Variants in AGPAT4 observed in about 807,000 individuals in gnomAD.
AGPAT4 encodes the protein 1-acylglycerol-3-phosphate O-acyltransferase 4.
AGPAT4 carries 15 observed loss-of-function variants against 48.0 expected under a neutral mutation model. That is an observed-to-expected ratio of 0.31 (90% CI 0.21 to 0.48). The LOEUF is 0.48. AGPAT4 is among the 20% of genes least tolerant of loss of function. AGPAT4 has a pLI of 0.99. For synonymous variants in AGPAT4, 178 were observed against 198.7 expected (o/e 0.90, Z 0.88); for missense variants, 314 against 482.5 (o/e 0.65, Z 3.27).
intron 2 of AGPAT4, among the ~76,000 whole-genome samples, chr6:161,176,435 T>G (rs1178591088): frequency 6.6e-6 from 1 of 152,220 alleles, no homozygotes; most frequent in Non-Finnish European, 1.5e-5. Flanking sequence ...TAAAGTCTGT[T>G]TTATCAGAGA....
Position 161,136,568 on chromosome 6 carries a change from G to A in AGPAT4, c.1109C>T (p.Ser370Phe), listed in dbSNP as rs1266154957. ...GTCATTCAGTTTCTGCTTGCTGTCA[G>A]AGTTGCCGTAGGCAGAGCCCTTGTC... ...EIDKGSAYGN[S>F]DSKQKLND Residue 370 changes from serine to phenylalanine, a missense_variant, in exon 9 of 9, where the codon TCT becomes TTT. Coordinates refer to ENST00000320285, the MANE Select transcript of AGPAT4 (RefSeq NM_020133.3). The A allele has an allele frequency of 9.9e-6, 16 of 1,614,080 alleles. No homozygotes were observed. The highest frequency in any genetic ancestry group is 1.4e-5 in the Non-Finnish European group (16 of 1,180,054).
At position 161,146,521 on chromosome 6, in the gene AGPAT4, G is replaced by C. The variant is rs374557581; in HGVS notation, c.843+3C>G. 2 of 1,613,752 alleles carry C rather than the reference G, an allele frequency of 1.2e-6. No individual in the cohort carries two copies. The highest frequency in any genetic ancestry group is 1.7e-6 in the Non-Finnish European group (2 of 1,180,010). ...AGGGACCCCTGGCACCCAGTGCACT[G>C]ACCTTCTCCTGGTAGAGCTTGTGCA... On this transcript the variant is annotated splice_donor_region_variant and intron_variant, in intron 7 of 8. Transcript: ENST00000320285. The surrounding 1 kb of genome is among the most constrained non-coding windows in gnomAD (Gnocchi z 7.1).
At position 161,184,568 on chromosome 6, in the gene AGPAT4, A is replaced by G. The variant is rs1013537451; in HGVS notation, c.179-18151T>C. ...CTGGCCTCCCCTGGCCCTGCCCCGG[A>G]CCCCCCATTCCCACCTGTCATCCTC... On this transcript the variant is annotated intron_variant, in intron 2 of 8. Coordinates refer to ENST00000320285, the MANE Select transcript of AGPAT4 (RefSeq NM_020133.3). The surrounding 1 kb of genome is among the most constrained non-coding windows in gnomAD (Gnocchi z 4.8). 1.3e-5 allele frequency among the ~76,000 whole-genome samples: 2 copies of G among 151,026 alleles called. No homozygotes were observed. The highest frequency in any genetic ancestry group is 4.9e-5 in the African/African-American group (2 of 40,888).
rs58358959 is a variant in AGPAT4, at chr6:161,261,134, C to A, written c.-90+12804G>T. The stretch of plus-strand genomic sequence containing the variant: ...GCCAAACATGTGTTTATCCTTCCAA[C>A]CCCTGCTTAAGCCAGCTCCTTCTCC... On this transcript the variant is annotated intron_variant, in intron 1 of 8. Transcript: ENST00000320285. This position sits in a 1 kb window ranked among gnomAD's most constrained non-coding sequence, Gnocchi z 5.3. Among the ~76,000 whole-genome samples, 838 of 152,338 alleles carry A rather than the reference C, an allele frequency of 5.5e-3. 8 individuals carry two copies. Among genetic ancestry groups the A allele is most frequent in the African/African-American group, 0.02 (815 of 41,576 alleles).
chr6:161,163,447 G>T (rs984530336), intron 3 of AGPAT4, among the ~76,000 whole-genome samples: 6 of 152,118 alleles, frequency 3.9e-5, no homozygotes, highest in Non-Finnish European at 7.4e-5. Flanking sequence ...GCTGAACAAT[G>T]AATATAAGGC....
In AGPAT4 at chr6:161,139,339, C is replaced by T. The variant is rs1779175589; in HGVS notation, c.1042+83G>A. On this transcript the variant is annotated intron_variant, in intron 8 of 8. Transcript: ENST00000320285. The surrounding 1 kb of genome is among the most constrained non-coding windows in gnomAD (Gnocchi z 9.1). ...CTCATCCACGGCACAACTGCCTATA[C>T]AGATGGCCTTCGTCCCAGCCCTGAT... 1 of 1,471,796 alleles carries T rather than the reference C, an allele frequency of 6.8e-7. No homozygotes were observed. The allele number at this position is 1,471,796 out of a possible 1,614,324, so 91.2% of individuals were successfully genotyped here. A position where few individuals can be genotyped will look rare whatever the true frequency, so the allele number is the denominator to read the frequency against.
rs1780456500 is a variant in AGPAT4 at position 161,177,360 on chromosome 6, T to A, written c.179-10943A>T. 2.0e-5 allele frequency among the ~76,000 whole-genome samples: 3 copies of A among 152,240 alleles called. No individual in the cohort carries two copies. In the South Asian group the frequency reaches 6.2e-4, roughly 32 times the overall value. ...TTGTTTCTTTTTACTCTTCTTTCTC[T>A]AAACTTCTCTTCTCGCTTCATTTCA... On this transcript the variant is annotated intron_variant, in intron 2 of 8. Transcript: ENST00000320285. The surrounding 1 kb of genome is among the most constrained non-coding windows in gnomAD (Gnocchi z 5.0).
intron 1 of AGPAT4, among the ~76,000 whole-genome samples, chr6:161,265,877 T>C (rs1416121973): frequency 6.6e-6 from 1 of 152,242 alleles, no homozygotes; most frequent in East Asian, 1.9e-4. Flanking sequence ...CGGCCACGTG[T>C]CTACTTTTAA....
At position 161,155,136 on chromosome 6, in the gene AGPAT4, C is replaced by T. The variant is rs1363662647; in HGVS notation, c.349-826G>A. Among the ~76,000 whole-genome samples the T allele has an allele frequency of 6.6e-6, 1 of 152,186 alleles. No homozygotes were observed. Among genetic ancestry groups the T allele is most frequent in the Non-Finnish European group, 1.5e-5 (1 of 68,024 alleles). On this transcript the variant is annotated intron_variant, in intron 3 of 8. Transcript: ENST00000320285. This position sits in a 1 kb window ranked among gnomAD's most constrained non-coding sequence, Gnocchi z 5.8. Reference sequence around the variant, plus strand: ...GCCCCACAGGTCCCCTCTGGGGAGTCTCAGGGCAGTCCTGGGTCCCCAGGG... The same window carrying T: ...GCCCCACAGGTCCCCTCTGGGGAGTTTCAGGGCAGTCCTGGGTCCCCAGGG...
chr6:161,138,847 C>T lies in AGPAT4; in HGVS notation c.1042+575G>A, dbSNP rs765478502. On this transcript the variant is annotated intron_variant, in intron 8 of 8. Transcript: ENST00000320285. The surrounding 1 kb of genome is among the most constrained non-coding windows in gnomAD (Gnocchi z 4.8). ...AGGAAGCAGGCACGACAGGCTGCCC[C>T]GCCAGAGGCAAGGAGCAGGGTGCAC... is the stretch of plus-strand genomic sequence containing the variant. Among the ~76,000 whole-genome samples, 5 of 152,124 alleles carry T rather than the reference C, an allele frequency of 3.3e-5. No homozygotes were observed. Among genetic ancestry groups the T allele is most frequent in the Non-Finnish European group, 7.4e-5 (5 of 68,022 alleles).
At position 161,243,418 on chromosome 6, in the gene AGPAT4, TGGTCA is replaced by T. The variant is rs143055768; in HGVS notation, c.-89-11121_-89-11117del. Among the ~76,000 whole-genome samples, 22 of 152,266 alleles carry T rather than the reference TGGTCA, an allele frequency of 1.4e-4. No individual in the cohort carries two copies. Among genetic ancestry groups the T allele is most frequent in the Non-Finnish European group, 2.9e-4 (20 of 68,012 alleles). The stretch of plus-strand genomic sequence containing the variant: ...TACCCCCACCGTCACCAAGGCAACG[TGGTCA>T]GGACTGGCAGCTCACGTCAGAGCCT... On this transcript the variant is annotated intron_variant, in intron 1 of 8. Coordinates refer to ENST00000320285, the MANE Select transcript of AGPAT4 (RefSeq NM_020133.3). The surrounding 1 kb of genome is among the most constrained non-coding windows in gnomAD (Gnocchi z 4.8).
rs1355841364 is a variant in AGPAT4 at position 161,236,219 on chromosome 6, A to G, written c.-89-3917T>C. Among the ~76,000 whole-genome samples the G allele has an allele frequency of 6.6e-6, 1 of 152,040 alleles. No individual in the cohort carries two copies. Among genetic ancestry groups the G allele is most frequent in the Non-Finnish European group, 1.5e-5 (1 of 68,016 alleles). On this transcript the variant is annotated intron_variant, in intron 1 of 8. Coordinates refer to ENST00000320285, the MANE Select transcript of AGPAT4 (RefSeq NM_020133.3). The surrounding 1 kb of genome is among the most constrained non-coding windows in gnomAD (Gnocchi z 5.0). ...GAGCATATCAGAGCGCTACTTACAGAGTTTCTAAATCAACAGAGAACTAGG... is the reference window on the plus strand; with the variant it reads ...GAGCATATCAGAGCGCTACTTACAGGGTTTCTAAATCAACAGAGAACTAGG...
chr6:161,132,774 G>A lies in AGPAT4; in HGVS notation c.*3766C>T, dbSNP rs1396067792. 1 of 152,226 alleles carries A rather than the reference G, an allele frequency of 6.6e-6. No homozygotes were observed. The highest frequency in any genetic ancestry group is 1.9e-4 in the East Asian group (1 of 5,188). 9.4% of individuals were successfully genotyped at this position (152,226 alleles called of 1,614,324 possible). A position where few individuals can be genotyped will look rare whatever the true frequency, so the allele number is the denominator to read the frequency against. ...GACACAGGTGTGGTGGAGGCATTAT[G>A]AGGGGACTACTCCACAGGACCTTGG... is the stretch of plus-strand genomic sequence containing the variant. On this transcript the variant is annotated 3_prime_UTR_variant, in exon 9 of 9. Transcript: ENST00000320285.
rs1782270824 is a variant in AGPAT4, at chr6:161,236,272, A to G, written c.-89-3970T>C. ...GCTGCTGCTATGCCATATTTCTGCG[A>G]AAAAAAAAAAGATGTTTCTTACTAT... On this transcript the variant is annotated intron_variant, in intron 1 of 8. Transcript: ENST00000320285. The surrounding 1 kb of genome is among the most constrained non-coding windows in gnomAD (Gnocchi z 5.0). 6.9e-6 allele frequency among the ~76,000 whole-genome samples: 1 copy of G among 145,580 alleles called. No individual in the cohort carries two copies. Among genetic ancestry groups the G allele is most frequent in the African/African-American group, 2.6e-5 (1 of 38,402 alleles).
intron 2 of AGPAT4, among the ~76,000 whole-genome samples, chr6:161,224,074 A>G (rs1781904243): frequency 6.6e-6 from 1 of 152,220 alleles, no homozygotes; most frequent in Non-Finnish European, 1.5e-5. Flanking sequence ...TTGATAAAGA[A>G]TTTTAAGTGA....
chr6:161,180,475 A>G lies in AGPAT4; in HGVS notation c.179-14058T>C, dbSNP rs1271819163. Among the ~76,000 whole-genome samples the G allele has an allele frequency of 6.6e-6, 1 of 152,242 alleles. No individual in the cohort carries two copies. The highest frequency in any genetic ancestry group is 1.9e-4 in the East Asian group (1 of 5,202). On this transcript the variant is annotated intron_variant, in intron 2 of 8. Coordinates refer to ENST00000320285, the MANE Select transcript of AGPAT4 (RefSeq NM_020133.3). The surrounding 1 kb of genome is among the most constrained non-coding windows in gnomAD (Gnocchi z 6.4). Reference sequence around the variant, plus strand: ...TATGGGCACCATGTTACGTGGGGAAATGGCCTTATGATCATTAGCTCTAAC... The same window carrying G: ...TATGGGCACCATGTTACGTGGGGAAGTGGCCTTATGATCATTAGCTCTAAC...
rs1429787256 is a variant in AGPAT4, at chr6:161,156,586, T to C, written c.349-2276A>G. Among the ~76,000 whole-genome samples, 4 of 152,246 alleles carry C rather than the reference T, an allele frequency of 2.6e-5. No individual in the cohort carries two copies. The South Asian group carries it at 6.2e-4, about 24-fold the overall frequency. On this transcript the variant is annotated intron_variant, in intron 3 of 8. Coordinates refer to ENST00000320285, the MANE Select transcript of AGPAT4 (RefSeq NM_020133.3). ...CAAAGGTGAGTCTATAGCATTATTATGACTTTATGAAAAAAGTAAAGCAGA... is the reference window on the plus strand; with the variant it reads ...CAAAGGTGAGTCTATAGCATTATTACGACTTTATGAAAAAAGTAAAGCAGA...
In AGPAT4 at chr6:161,147,378, CTT is replaced by C. The variant is rs1401173210; in HGVS notation, c.768-781_768-780del. Among the ~76,000 whole-genome samples the C allele has an allele frequency of 1.3e-5, 2 of 152,142 alleles. No homozygotes were observed. The highest frequency in any genetic ancestry group is 2.4e-5 in the African/African-American group (1 of 41,436). On this transcript the variant is annotated intron_variant, in intron 6 of 8. Transcript: ENST00000320285. This position sits in a 1 kb window ranked among gnomAD's most constrained non-coding sequence, Gnocchi z 4.8. ...CCTATTTGTTCTCAGGTTGATGGCT[CTT>C]GTGATTTCAAGGGACGTTCATTTAT...
chr6:161,260,655 C>CA (rs377444402), intron 1 of AGPAT4, among the ~76,000 whole-genome samples: 3,494 of 45,596 alleles, frequency 0.077, 638 homozygotes, highest in Middle Eastern at 0.11. Context: ...GACTACGTCT[C>CA]AAAAAAAAAA....
Sources: gnomAD v4.1 joint callset for allele counts (sites outside exome capture counted in the v4.1 genomes callset) on GRCh38, gnomAD v4.1.1 for gene constraint, Gnocchi (gnomAD v3.1) non-coding constraint, MANE v1.5 for transcripts, NCBI Gene and HGNC (gene_info 2026-07-23, HGNC 2026-07-21) for gene names.